LINGO2: variants seen among roughly 807,000 people sequenced by gnomAD.
LINGO2 encodes the protein leucine rich repeat and Ig domain containing 2, also known as leucine-rich repeat and immunoglobulin-like domain-containing nogo receptor-interacting protein 2.
A neutral mutation model predicts 30.6 loss-of-function variants in LINGO2; 14 were observed. The observed-to-expected ratio is 0.46, with a 90% CI of 0.30 to 0.72. The LOEUF is 0.72. Among genes scored for constraint, LINGO2 ranks in the 30% least tolerant of loss-of-function variants. The pLI is 0.07. For synonymous variants in LINGO2, 317 were observed against 288.5 expected (o/e 1.10, Z -1.00); for missense variants, 729 against 751.7 (o/e 0.97, Z 0.35).
intron 4 of LINGO2, among the ~76,000 whole-genome samples, chr9:28,044,819 T>G (rs893746873): frequency 6.6e-6 from 1 of 152,154 alleles, no homozygotes; most frequent in African/African-American, 2.4e-5. Flanking sequence ...CAGAGACTTT[T>G]CCGTAGGTTG....
intron 2 of LINGO2, among the ~76,000 whole-genome samples, chr9:28,465,753 C>T (rs1411274304): frequency 6.6e-6 from 1 of 152,070 alleles, no homozygotes; most frequent in Non-Finnish European, 1.5e-5. Flanking sequence ...GGAGCTCAAA[C>T]AGCACTATAG....
chr9:28,977,083 G>A, the LINGO2 span, among the ~76,000 whole-genome samples: 1 of 152,184 alleles, frequency 6.6e-6, no homozygotes, highest in Admixed American at 6.5e-5. Context: ...TAGGAGTTCT[G>A]TAACTTATAT....
At chr9:28,495,193 T>TC (rs1440973872) in intron 1 of LINGO2, among the ~76,000 whole-genome samples, 2 of 151,832 alleles carry the variant, frequency 1.3e-5, no homozygotes, top group African/African-American at 2.4e-5. Context: ...TGGTAGTTTT[T>TC]CTACTGTGCA....
chr9:28,827,967 T>C, the LINGO2 span, among the ~76,000 whole-genome samples: 1 of 152,024 alleles, frequency 6.6e-6, no homozygotes, highest in African/African-American at 2.4e-5. Flanking sequence ...CAATCTATAT[T>C]GGTATATATG....
intron 2 of LINGO2, among the ~76,000 whole-genome samples, chr9:28,399,011 T>C (rs1822160540): frequency 6.6e-6 from 1 of 152,138 alleles, no homozygotes; most frequent in Admixed American, 6.5e-5. Flanking sequence ...AAGGGGATAA[T>C]ATTATTCAAA....
At chr9:28,942,905 A>G in the LINGO2 span, among the ~76,000 whole-genome samples, 1 of 152,170 alleles carries the variant, frequency 6.6e-6, no homozygotes, top group African/African-American at 2.4e-5. Context: ...TGATCATTAC[A>G]TTTATCTAAG....
intron 5 of LINGO2, among the ~76,000 whole-genome samples, chr9:27,981,101 CTCAG>C (rs1004782919): frequency 6.6e-6 from 1 of 151,680 alleles, no homozygotes; most frequent in African/African-American, 2.4e-5. Context: ...TTTCATTGAT[CTCAG>C]TCAAATTAAA....
intron 1 of LINGO2, among the ~76,000 whole-genome samples, chr9:28,612,176 C>T (rs901155373): frequency 5.3e-5 from 8 of 152,092 alleles, no homozygotes; most frequent in Admixed American, 5.2e-4. Flanking sequence ...ATCCTTCTGC[C>T]TGTGCCTTCA....
intron 1 of LINGO2, among the ~76,000 whole-genome samples, chr9:28,662,808 T>G (rs1470734202): frequency 6.6e-6 from 1 of 152,120 alleles, no homozygotes; most frequent in East Asian, 1.9e-4. Flanking sequence ...ACAAAAACAA[T>G]GTTCACCTAT....
the LINGO2 span, chr9:27,941,949 T>C: frequency 6.6e-6 from 1 of 152,192 alleles, no homozygotes; most frequent in East Asian, 1.9e-4. Context: ...GTGTTGTATG[T>C]ATGGCTTGCT....
chr9:29,076,082 T>C, the LINGO2 span, among the ~76,000 whole-genome samples: 2 of 151,916 alleles, frequency 1.3e-5, no homozygotes, highest in Non-Finnish European at 2.9e-5. Context: ...TTGGCTATGT[T>C]GCCCAGGATG....
the LINGO2 span, among the ~76,000 whole-genome samples, chr9:28,750,251 A>T: frequency 0.021 from 3,174 of 152,226 alleles, 133 homozygotes; most frequent in African/African-American, 0.072. Context: ...CTGAGAGTAG[A>T]AGAATTTCAT....
chr9:28,910,709 C>A, the LINGO2 span, among the ~76,000 whole-genome samples: 1 of 151,874 alleles, frequency 6.6e-6, no homozygotes, highest in East Asian at 1.9e-4. Context: ...TGAGGCCTCC[C>A]CAGAAGCAGA....
the LINGO2 span, among the ~76,000 whole-genome samples, chr9:28,993,766 CA>C: frequency 6.6e-6 from 1 of 150,980 alleles, no homozygotes; most frequent in African/African-American, 2.4e-5. Flanking sequence ...AGACAAAAAC[CA>C]CATGATTTAT....
the LINGO2 span, among the ~76,000 whole-genome samples, chr9:29,012,964 T>C: frequency 6.6e-6 from 1 of 152,204 alleles, no homozygotes; most frequent in Non-Finnish European, 1.5e-5. Flanking sequence ...TTCATCCATC[T>C]AGTTCATCTT....
At chr9:28,215,590 C>T (rs928494410) in intron 4 of LINGO2, among the ~76,000 whole-genome samples, 5 of 151,542 alleles carry the variant, frequency 3.3e-5, no homozygotes, top group African/African-American at 1.2e-4. Flanking sequence ...TTTAATCAAA[C>T]AACTGGGAGG....
the LINGO2 span, among the ~76,000 whole-genome samples, chr9:28,966,419 G>A: frequency 1.2e-4 from 18 of 152,112 alleles, no homozygotes; most frequent in South Asian, 2.1e-4. Context: ...TAAACTGTAC[G>A]TCAACTTTGT....
the LINGO2 span, among the ~76,000 whole-genome samples, chr9:28,813,375 CA>C: frequency 6.6e-6 from 1 of 152,142 alleles, no homozygotes; most frequent in Non-Finnish European, 1.5e-5. Context: ...AAAATTATAA[CA>C]ATATACTGTA....
At chr9:29,088,561 A>G in the LINGO2 span, among the ~76,000 whole-genome samples, 1 of 152,128 alleles carries the variant, frequency 6.6e-6, no homozygotes, top group Non-Finnish European at 1.5e-5. Context: ...ATTTTATAAC[A>G]TCTTCTAACT....
Sources: gnomAD v4.1 joint callset for allele counts (sites outside exome capture counted in the v4.1 genomes callset) on GRCh38, gnomAD v4.1.1 for gene constraint, MANE v1.5 for transcripts, NCBI Gene and HGNC (gene_info 2026-07-23, HGNC 2026-07-21) for gene names.